LMAN1: variants seen among roughly 807,000 people sequenced by gnomAD.
LMAN1 encodes lectin, mannose binding 1, also known as protein ERGIC-53.
In LMAN1, 32 loss-of-function variants were observed where a neutral mutation model predicts 67.8. The observed-to-expected ratio is 0.47, with a 90% CI of 0.36 to 0.63. The LOEUF (loss-of-function observed/expected upper bound fraction) is 0.63, where lower values mean the gene tolerates loss of function less well. LMAN1 is among the 30% of genes least tolerant of loss of function. The pLI is 0.00. For missense variants in LMAN1, 632 were observed against 628.2 expected, an observed-to-expected ratio of 1.01 and a Z score of -0.06; for synonymous variants, 235 against 219.3, an observed-to-expected ratio of 1.07 and a Z score of -0.63.
rs185875271 is a variant in LMAN1, at chr18:59,338,859, C to T, written c.1050G>A (p.Arg350=). The T allele has an allele frequency of 1.9e-6, 3 of 1,613,714 alleles. No homozygotes were observed. The highest frequency in any genetic ancestry group is 2.2e-5 in the East Asian group (1 of 44,862). The change falls in exon 9 of 13, where the codon CGG becomes CGA. Residue 350 remains arginine (R), a synonymous_variant. Transcript: ENST00000251047. Reference sequence around the variant, plus strand: ...GTTCATCAAGAATCATATCTAACTGCCGGTTCAGCTGCTTGATTTCAAGAT... The same window carrying T: ...GTTCATCAAGAATCATATCTAACTGTCGGTTCAGCTGCTTGATTTCAAGAT... The part of the protein sequence containing the change: ...RIHLEIKQLN[R]QLDMILDEQR...
intron 1 of LMAN1, among the ~76,000 whole-genome samples, chr18:59,356,562 G>C (rs1018865230): frequency 3.3e-5 from 5 of 152,188 alleles, no homozygotes; most frequent in Non-Finnish European, 7.3e-5. Context: ...AAATACAACT[G>C]TAACTGTAAT....
chr18:59,359,171 C>G lies in LMAN1; in HGVS notation c.74G>C (p.Gly25Ala). ...CACGCCGTCGCCCCGGACGAAGCGACCGAGTGACAGCAGCAAGGCGCAGAA... is the reference window on the plus strand; with the variant it reads ...CACGCCGTCGCCCCGGACGAAGCGAGCGAGTGACAGCAGCAAGGCGCAGAA... ...PLFCALLLSL[G>A]RFVRGDGVGG... Residue 25 changes from glycine (G) to alanine (A), a missense_variant, in exon 1 of 13, where the codon GGT becomes GCT. Physicochemically the swap from Gly to Ala is moderately conservative, Grantham distance 60. Transcript: ENST00000251047. 1 of 1,614,072 alleles carries G rather than the reference C, an allele frequency of 6.2e-7. No individual in the cohort carries two copies. The highest frequency in any genetic ancestry group is 8.5e-7 in the Non-Finnish European group (1 of 1,179,964).
At position 59,345,931 on chromosome 18, in the gene LMAN1, G is replaced by T; in HGVS notation, c.943C>A (p.Gln315Lys). ...EEFQKGHPDLQGQPAEEIFES... is the reference protein window; with the variant it reads ...EEFQKGHPDLKGQPAEEIFES... ...TGCTACAACTCACCAGGCTGCCCTT[G>T]GAGGTCGGGGTGGCCCTTCTGGAAT... The change falls in exon 8 of 13, where the codon CAA becomes AAA. Residue 315 changes from glutamine to lysine, a missense_variant. Transcript: ENST00000251047. The T allele has an allele frequency of 5.0e-6, 8 of 1,614,006 alleles. 1 individual carries two copies. In the South Asian group the frequency reaches 6.6e-5, roughly 13 times the overall value.
Position 59,332,809 on chromosome 18 carries a change from G to A in LMAN1, c.1374+282C>T, listed in dbSNP as rs34912074. On this transcript the variant is annotated intron_variant, in intron 11 of 12. Coordinates refer to ENST00000251047, the MANE Select transcript of LMAN1 (RefSeq NM_005570.4). Reference sequence around the variant, plus strand: ...AAGAAATACACTTTAAGCAATCCATGGGTCAGAGAAGACATTAACATGGAA... The same window carrying A: ...AAGAAATACACTTTAAGCAATCCATAGGTCAGAGAAGACATTAACATGGAA... Among the ~76,000 whole-genome samples, 12,605 of 152,144 alleles carry A rather than the reference G, an allele frequency of 0.083. 596 individuals carry two copies. The highest frequency in any genetic ancestry group is 0.14 in the Middle Eastern group (40 of 292).
At chr18:59,345,884 G>A (rs1237801073) in intron 8 of LMAN1, 35 bp downstream of exon 8, 3 of 1,612,888 alleles carry the variant, frequency 1.9e-6, no homozygotes, top group African/African-American at 2.7e-5. Flanking sequence ...CTCAAGCCCT[G>A]CTGCGGCACC....
chr18:59,338,647 C>T lies in LMAN1; in HGVS notation c.1150-20G>A, dbSNP rs754500955. The T allele has an allele frequency of 1.9e-5, 30 of 1,611,568 alleles. No homozygotes were observed. The highest frequency in any genetic ancestry group is 1.3e-4 in the Admixed American group (8 of 59,986). On this transcript the variant is annotated intron_variant, in intron 9 of 12. Coordinates refer to ENST00000251047, the MANE Select transcript of LMAN1 (RefSeq NM_005570.4). ...AGTAATCTGGAGGAAGAAACAATGA[C>T]GAGCAAGCTGAATAATCCACATTCT... is the stretch of plus-strand genomic sequence containing the variant.
chr18:59,345,746 A>T (rs1908385667), intron 8 of LMAN1, among the ~76,000 whole-genome samples, 173 bp downstream of exon 8: 1 of 152,154 alleles, frequency 6.6e-6, no homozygotes, highest in Non-Finnish European at 1.5e-5. Context: ...TAAAAATGCC[A>T]ATCTCTTGAC....
At chr18:59,340,072 T>C (rs1212802621) in intron 8 of LMAN1, among the ~76,000 whole-genome samples, 2 of 152,102 alleles carry the variant, frequency 1.3e-5, no homozygotes, top group African/African-American at 4.8e-5. Context: ...AGCTTCTTGC[T>C]CATGACACCT....
Position 59,330,903 on chromosome 18 carries a change from C to A in LMAN1, c.*190G>T. 1 of 592,264 alleles carries A rather than the reference C, an allele frequency of 1.7e-6. No homozygotes were observed. The highest frequency in any genetic ancestry group is 3.0e-6 in the Non-Finnish European group (1 of 329,814). 36.7% of individuals were successfully genotyped at this position (592,264 alleles called of 1,614,324 possible). On this transcript the variant is annotated 3_prime_UTR_variant, in exon 13 of 13. Coordinates refer to ENST00000251047, the MANE Select transcript of LMAN1 (RefSeq NM_005570.4). ...ATTCACTGAAATTTAGACAGATTTA[C>A]ATACTGTGAACAAATTAAAATGTGG...
chr18:59,345,896 A>G lies in LMAN1; in HGVS notation c.955+23T>C, dbSNP rs777112881. ...AGCCTCAAGCCCTGCTGCGGCACCCATGTCAGCTTTGCTACAACTCACCAG... is the reference window on the plus strand; with the variant it reads ...AGCCTCAAGCCCTGCTGCGGCACCCGTGTCAGCTTTGCTACAACTCACCAG... On this transcript the variant is annotated intron_variant, in intron 8 of 12. Transcript: ENST00000251047. The G allele has an allele frequency of 1.2e-5, 19 of 1,613,646 alleles. No homozygotes were observed. In the South Asian group the frequency reaches 1.3e-4, roughly 11 times the overall value.
intron 11 of LMAN1, among the ~76,000 whole-genome samples, chr18:59,331,910 CAA>C (rs1019273224): frequency 6.6e-6 from 1 of 152,184 alleles, no homozygotes; most frequent in African/African-American, 2.4e-5. Flanking sequence ...CCTTCATTCT[CAA>C]AAGTGTCCCA....
At chr18:59,339,286 A>G (rs2144215828) in intron 8 of LMAN1, among the ~76,000 whole-genome samples, 1 of 152,346 alleles carries the variant, frequency 6.6e-6, no homozygotes, top group Middle Eastern at 3.4e-3. Context: ...CCAGAGTAGT[A>G]AGTAGATACT....
At chr18:59,358,090 G>A (rs949271063) in intron 1 of LMAN1, among the ~76,000 whole-genome samples, 3 of 152,090 alleles carry the variant, frequency 2.0e-5, no homozygotes, top group African/African-American at 7.2e-5. Flanking sequence ...ACTGAACAGA[G>A]CTTATGTCAT....
intron 5 of LMAN1, 100 bp from the exon 6 acceptor site, chr18:59,349,336 T>C (rs1908490625): frequency 2.9e-6 from 3 of 1,051,332 alleles, no homozygotes; most frequent in Non-Finnish European, 4.3e-6. Flanking sequence ...GTTTCATTAT[T>C]ATAAAGAGTA....
At chr18:59,345,803 T>C in intron 8 of LMAN1, 116 bp downstream of exon 8, 1 of 1,196,130 alleles carries the variant, frequency 8.4e-7, no homozygotes, top group Non-Finnish European at 1.2e-6. Context: ...AGAAATCACT[T>C]GGAATGTGCC....
intron 10 of LMAN1, among the ~76,000 whole-genome samples, chr18:59,336,138 G>T (rs943072248): frequency 6.6e-6 from 1 of 152,122 alleles, no homozygotes; most frequent in Non-Finnish European, 1.5e-5. Flanking sequence ...TACATGCATG[G>T]GTTGGTATAC....
intron 10 of LMAN1, among the ~76,000 whole-genome samples, chr18:59,336,502 A>C (rs1908151158): frequency 6.6e-6 from 1 of 152,232 alleles, no homozygotes; most frequent in African/African-American, 2.4e-5. Flanking sequence ...ATCTAAATAA[A>C]TAACTAAATA....
intron 8 of LMAN1, among the ~76,000 whole-genome samples, chr18:59,340,926 G>A (rs1908273035): frequency 6.6e-6 from 1 of 152,090 alleles, no homozygotes; most frequent in Admixed American, 6.5e-5. Flanking sequence ...GATACAGACT[G>A]GCAGAATGGA....
rs567318415 is a variant in LMAN1, at chr18:59,329,840, G to A, written c.*1253C>T. 2 of 152,246 alleles carry A rather than the reference G, an allele frequency of 1.3e-5. No homozygotes were observed. The highest frequency in any genetic ancestry group is 2.4e-5 in the African/African-American group (1 of 41,566). The allele number at this position is 152,246 out of a possible 1,614,324, so 9.4% of individuals were successfully genotyped here. A position where few individuals can be genotyped will look rare whatever the true frequency, so the allele number is the denominator to read the frequency against. ...TGGCAAATGAAAGACAACCATTTTA[G>A]CTAAAAGAAGTAAAAGAGTATTTTG... is the stretch of plus-strand genomic sequence containing the variant. On this transcript the variant is annotated 3_prime_UTR_variant, in exon 13 of 13. Coordinates refer to ENST00000251047, the MANE Select transcript of LMAN1 (RefSeq NM_005570.4).
Sources: gnomAD v4.1 joint callset for allele counts (sites outside exome capture counted in the v4.1 genomes callset) on GRCh38, gnomAD v4.1.1 for gene constraint, MANE v1.5 for transcripts, NCBI Gene and HGNC (gene_info 2026-07-23, HGNC 2026-07-21) for gene names.